PADI6: variants seen among roughly 807,000 people sequenced by gnomAD.
PADI6 encodes inactive protein-arginine deiminase type-6.
Under a neutral mutation model 78.2 loss-of-function variants are expected in PADI6, and 66 were observed. That is an observed-to-expected ratio of 0.84 (90% CI 0.69 to 1.04). The LOEUF (loss-of-function observed/expected upper bound fraction) is 1.04. PADI6 is among the 50% of genes least tolerant of loss of function. The pLI is 0.00. For missense variants in PADI6, 854 were observed against 866.1 expected, an observed-to-expected ratio of 0.99 and a Z score of 0.18; for synonymous variants, 397 against 346.9, an observed-to-expected ratio of 1.14 and a Z score of -1.60.
chr1:17,377,742 G>A (rs1021142333), intron 3 of PADI6, among the ~76,000 whole-genome samples: 2 of 152,092 alleles, frequency 1.3e-5, no homozygotes, highest in Non-Finnish European at 2.9e-5. Context: ...TGTTCACTCC[G>A]GCTCGAGCCC....
At chr1:17,380,692 G>GGC (rs1386736376) in intron 4 of PADI6, among the ~76,000 whole-genome samples, 2 of 152,124 alleles carry the variant, frequency 1.3e-5, no homozygotes, top group Non-Finnish European at 2.9e-5. Context: ...CAGAATGTCT[G>GGC]GCAACTCTAG....
chr1:17,372,371 T>TG lies in PADI6; in HGVS notation c.116+13dup. 1 of 1,611,990 alleles carries TG rather than the reference T, an allele frequency of 6.2e-7. No individual in the cohort carries two copies. The highest frequency in any genetic ancestry group is 1.1e-5 in the South Asian group (1 of 91,066). ...GCTTGGATCTCAGCGGGTGAGATGCTGGGAGCTCTGCCAGAGGTGGCAGGC... is the reference window on the plus strand; with the variant it reads ...GCTTGGATCTCAGCGGGTGAGATGCTGGGGAGCTCTGCCAGAGGTGGCAGGC... On this transcript the variant is annotated intron_variant, in intron 1 of 15. Transcript: ENST00000619609.
intron 2 of PADI6, among the ~76,000 whole-genome samples, 192 bp from the exon 3 acceptor site, chr1:17,375,235 G>C (rs1557595250): frequency 2.0e-5 from 3 of 152,168 alleles, no homozygotes; most frequent in Admixed American, 6.5e-5. Context: ...GTCATGGCAG[G>C]TTCTAAGTCC....
At chr1:17,394,801 G>A in intron 11 of PADI6, 150 bp from the exon 12 acceptor site, 1 of 946,392 alleles carries the variant, frequency 1.1e-6, no homozygotes, top group East Asian at 2.7e-5. Context: ...GTCAGAGTAA[G>A]GGATTCGTAA....
chr1:17,401,366 C>CG lies in PADI6; in HGVS notation c.2015dup (p.Asp673ArgfsTer46). ...ACTTTGACTGTTACCTGACAGAGGT[C>CG]GGAGACATCTGTGCCTGTGCCAACA... On this transcript the variant is annotated frameshift_variant, in exon 16 of 16. Transcript: ENST00000619609. LOFTEE classifies it high-confidence loss of function. 1 of 1,614,058 alleles carries CG rather than the reference C, an allele frequency of 6.2e-7. No homozygotes were observed. Among genetic ancestry groups the CG allele is most frequent in the South Asian group, 1.1e-5 (1 of 91,082 alleles).
chr1:17,392,460 G>A (rs2075196126), intron 9 of PADI6, among the ~76,000 whole-genome samples: 1 of 152,190 alleles, frequency 6.6e-6, no homozygotes, highest in Admixed American at 6.5e-5. Context: ...ACGTGTTCAA[G>A]ACCACAGAAC....
At chr1:17,385,899 G>A (rs1473957277) in intron 6 of PADI6, among the ~76,000 whole-genome samples, 1 of 152,136 alleles carries the variant, frequency 6.6e-6, no homozygotes, top group Non-Finnish European at 1.5e-5. Flanking sequence ...GTAGGAAAAA[G>A]CTCAGCTCAA....
chr1:17,372,473 C>A, intron 1 of PADI6, 112 bp downstream of exon 1: 3 of 1,000,638 alleles, frequency 3.0e-6, no homozygotes, highest in Admixed American at 3.8e-5. Context: ...CACTATCCTG[C>A]CCCATCTTGG....
At chr1:17,375,564 A>G in intron 3 of PADI6, 65 bp downstream of exon 3, 3 of 1,432,688 alleles carry the variant, frequency 2.1e-6, no homozygotes, top group Non-Finnish European at 2.9e-6. Context: ...AAGGGGTGGG[A>G]TTGTAGGAGG....
At position 17,373,250 on chromosome 1, in the gene PADI6, G is replaced by T; in HGVS notation, c.294+17G>T. The T allele has an allele frequency of 1.9e-6, 3 of 1,611,178 alleles. No homozygotes were observed. The highest frequency in any genetic ancestry group is 2.5e-6 in the Non-Finnish European group (3 of 1,177,732). ...GCGGATAAGGTAAGCCTCAGGGGAA[G>T]AGGTGAGGGGCATCTCCCGGGGTGG... On this transcript the variant is annotated intron_variant, in intron 2 of 15. Coordinates refer to ENST00000619609, the MANE Select transcript of PADI6 (RefSeq NM_207421.4).
At chr1:17,380,649 C>A (rs761754421) in intron 4 of PADI6, among the ~76,000 whole-genome samples, 4 of 151,732 alleles carry the variant, frequency 2.6e-5, no homozygotes, top group Non-Finnish European at 5.9e-5. Flanking sequence ...GGGATCAGAA[C>A]TGATTAAATT....
At chr1:17,389,143 T>G (rs2075157318) in intron 8 of PADI6, among the ~76,000 whole-genome samples, 1 of 152,126 alleles carries the variant, frequency 6.6e-6, no homozygotes. Flanking sequence ...TACCAAGTGC[T>G]CTAAAGCAGG....
chr1:17,395,225 TGAG>T (rs2075234890), intron 12 of PADI6, 118 bp downstream of exon 12: 31 of 1,328,402 alleles, frequency 2.3e-5, no homozygotes, highest in African/African-American at 1.0e-4. Flanking sequence ...GTTTGTTTTT[TGAG>T]AGTCTTGCTC....
At chr1:17,391,289 G>T (rs2100314084) in intron 8 of PADI6, among the ~76,000 whole-genome samples, 1 of 152,218 alleles carries the variant, frequency 6.6e-6, no homozygotes, top group South Asian at 2.1e-4. Context: ...GTGTGATCTT[G>T]GCTCACTGCA....
intron 6 of PADI6, among the ~76,000 whole-genome samples, chr1:17,387,444 CAAAAAAG>C (rs1256279325): frequency 7.0e-6 from 1 of 142,284 alleles, no homozygotes; most frequent in African/African-American, 2.6e-5. Flanking sequence ...GACTCCACCT[CAAAAAAG>C]AAAAGGAGGG....
chr1:17,373,484 TTTTCATTTATTTATTATTA>T (rs2074984247), intron 2 of PADI6, among the ~76,000 whole-genome samples: 1 of 146,168 alleles, frequency 6.8e-6, no homozygotes, highest in Non-Finnish European at 1.5e-5. Flanking sequence ...TTATTTTTTA[TTTTCATTTATTTATTATTA>T]TTTTTTTTTT....
intron 5 of PADI6, among the ~76,000 whole-genome samples, 182 bp downstream of exon 5, chr1:17,381,346 C>T (rs2075071290): frequency 6.6e-6 from 1 of 152,130 alleles, no homozygotes; most frequent in African/African-American, 2.4e-5. Flanking sequence ...TAAGAGAAGT[C>T]ACATAGCCCC....
Position 17,373,126 on chromosome 1 carries a change from A to C in PADI6, c.187A>C (p.Thr63Pro). The part of the protein sequence containing the change: ...SGRVLIDVAN[T>P]VISEKEDATI... Reference sequence around the variant, plus strand: ...GAGGGTCTTGATCGATGTGGCCAACACGGTGATTTCTGAGAAGGAGGACGC... The same window carrying C: ...GAGGGTCTTGATCGATGTGGCCAACCCGGTGATTTCTGAGAAGGAGGACGC... The change falls in exon 2 of 16, where the codon ACG becomes CCG. Residue 63 changes from threonine (T) to proline (P), a missense_variant. Coordinates refer to ENST00000619609, the MANE Select transcript of PADI6 (RefSeq NM_207421.4). 6.2e-7 allele frequency: 1 copy of C among 1,614,008 alleles called. No homozygotes were observed. Among genetic ancestry groups the C allele is most frequent in the Non-Finnish European group, 8.5e-7 (1 of 1,179,860 alleles).
intron 6 of PADI6, among the ~76,000 whole-genome samples, chr1:17,382,387 C>T (rs1359461107): frequency 6.6e-6 from 1 of 152,214 alleles, no homozygotes; most frequent in Non-Finnish European, 1.5e-5. Flanking sequence ...GACATATCCA[C>T]TGAAACAGTA....
Sources: gnomAD v4.1 joint callset for allele counts (sites outside exome capture counted in the v4.1 genomes callset) on GRCh38, gnomAD v4.1.1 for gene constraint, MANE v1.5 for transcripts, NCBI Gene and HGNC (gene_info 2026-07-23, HGNC 2026-07-21) for gene names.